The following C5orf58 variants were observed in gnomAD, a reference collection of about 807,000 sequenced individuals.
The protein encoded by C5orf58 is chromosome 5 open reading frame 58.
Under a neutral mutation model 2.9 loss-of-function variants are expected in C5orf58, and 2 were observed. The ratio of observed to expected loss-of-function variants is 0.69; its 90% CI spans 0.28 to 2.18. C5orf58 has a LOEUF of 2.18. Ranked by LOEUF, C5orf58 falls within the 30% of genes most tolerant of loss-of-function variation. The probability of loss-of-function intolerance (pLI) is 0.13; values close to 1 mark genes in which losing one functional copy is unlikely to be tolerated. For synonymous variants in C5orf58, 37 were observed against 33.4 expected, an observed-to-expected ratio of 1.11 and a Z score of -0.37; for missense variants, 96 against 91.7, an observed-to-expected ratio of 1.05 and a Z score of -0.19.
chr5:170,241,316 A>G (rs2113111206), intron 3 of C5orf58, among the ~76,000 whole-genome samples: 1 of 150,668 alleles, frequency 6.6e-6, no homozygotes, highest in Non-Finnish European at 1.5e-5. Context: ...CTGTGAAGAA[A>G]GTCATTGGTA....
At chr5:170,245,148 G>A (rs534197817) in intron 3 of C5orf58, among the ~76,000 whole-genome samples, 38 of 152,268 alleles carry the variant, frequency 2.5e-4, no homozygotes, top group Admixed American at 2.0e-3. Context: ...CTCCAGCTGC[G>A]TGCTGGGAGA....
rs199568267 is a variant in C5orf58 at position 170,242,564 on chromosome 5, G to A, written c.95-3398G>A. 9.9e-3 allele frequency among the ~76,000 whole-genome samples: 1,013 copies of A among 101,970 alleles called. 3 individuals are homozygous for A. Among genetic ancestry groups the A allele is most frequent in the African/African-American group, 0.037 (852 of 23,166 alleles). The allele number at this position is 101,970 out of a possible 152,430, so 66.9% of individuals were successfully genotyped here. A position where few individuals can be genotyped will look rare whatever the true frequency, so the allele number is the denominator to read the frequency against. ...CTTCTAGATTTTCTAGTTTATTTGC[G>A]TAGAGGTGTTTGTAGTATTCTCTGA... On this transcript the variant is annotated intron_variant, in intron 3 of 3. Transcript: ENST00000593851.
chr5:170,251,566 C>G, intron 2 of C5orf58: 2 of 451,556 alleles, frequency 4.4e-6, no homozygotes, highest in Admixed American at 4.7e-5. Flanking sequence ...AAACTACTCC[C>G]TTCTCCTCAT....
At chr5:170,233,971 C>T (rs919595971) in intron 1 of C5orf58, 144 bp from the exon 2 acceptor site, 1 of 398,914 alleles carries the variant, frequency 2.5e-6, no homozygotes, top group East Asian at 7.3e-5. Flanking sequence ...CCACTCCACC[C>T]CTTGTTAAAA....
At chr5:170,250,673 C>T (rs563080876), downstream of C5orf58, 42 of 1,339,840 alleles carry the variant, frequency 3.1e-5, no homozygotes, top group Non-Finnish European at 4.1e-5. Context: ...TCCATGAAGG[C>T]ATGCAGAGTG....
chr5:170,250,739 T>A (rs1761418921), downstream of C5orf58: 1 of 1,613,046 alleles, frequency 6.2e-7, no homozygotes, highest in African/African-American at 1.3e-5. Flanking sequence ...CCTCTTTCCC[T>A]CGGAGTCCAG....
exon 3 of C5orf58, chr5:170,252,127 A>C (rs1761458031): frequency 9.1e-6 from 2 of 220,650 alleles, no homozygotes; most frequent in Non-Finnish European, 1.8e-5. Context: ...TTTGAAAGAG[A>C]GTCTCCTTCT....
chr5:170,234,301 T>A, intron 2 of C5orf58, 103 bp downstream of exon 2: 1 of 627,902 alleles, frequency 1.6e-6, no homozygotes, highest in Non-Finnish European at 2.7e-6. Flanking sequence ...GTTTTTCAAG[T>A]CATTTTGAGA....
chr5:170,250,461 A>C (rs187591789), downstream of C5orf58, among the ~76,000 whole-genome samples: 126 of 152,324 alleles, frequency 8.3e-4, no homozygotes, highest in African/African-American at 2.6e-3. Flanking sequence ...ATCTAAATAG[A>C]TTTTTTTAAG....
Position 170,234,102 on chromosome 5 carries a change from G to A in C5orf58, c.-84-13G>A. ...CAAAGCGCATTTTATTAATGTCTGG[G>A]AAACAAAATTAGTTTTTTTACAGTG... On this transcript the variant is annotated splice_polypyrimidine_tract_variant and intron_variant, in intron 1 of 3. Transcript: ENST00000593851. 7.4e-7 allele frequency: 1 copy of A among 1,359,758 alleles called. No homozygotes were observed. The highest frequency in any genetic ancestry group is 9.9e-7 in the Non-Finnish European group (1 of 1,015,040). 84.2% of individuals were successfully genotyped at this position (1,359,758 alleles called of 1,614,324 possible).
exon 3 of C5orf58, chr5:170,251,656 G>A (rs1308202834): frequency 2.2e-6 from 1 of 456,024 alleles, no homozygotes; most frequent in East Asian, 7.0e-5. Context: ...AGTTAATTGA[G>A]CCTGTCAGAA....
At chr5:170,245,010 C>G (rs548624266) in intron 3 of C5orf58, among the ~76,000 whole-genome samples, 1 of 152,230 alleles carries the variant, frequency 6.6e-6, no homozygotes, top group African/African-American at 2.4e-5. Context: ...ACAGGACCCT[C>G]AGCTGCAGGT....
chr5:170,250,684 G>C (rs749391893), downstream of C5orf58: 3 of 1,491,714 alleles, frequency 2.0e-6, no homozygotes, highest in African/African-American at 1.4e-5. Flanking sequence ...ATGCAGAGTG[G>C]CATAAATAAA....
At chr5:170,244,846 G>A (rs1244929919) in intron 3 of C5orf58, among the ~76,000 whole-genome samples, 1 of 152,160 alleles carries the variant, frequency 6.6e-6, no homozygotes, top group Non-Finnish European at 1.5e-5. Flanking sequence ...TTTGGAGGAG[G>A]AGAGGCGCTC....
chr5:170,234,067 G>C (rs1040866068), intron 1 of C5orf58, 48 bp from the exon 2 acceptor site: 24 of 1,152,614 alleles, frequency 2.1e-5, no homozygotes, highest in African/African-American at 4.7e-5. Flanking sequence ...TGGGGTCTTG[G>C]GGGTAGATGC....
intron 3 of C5orf58, among the ~76,000 whole-genome samples, chr5:170,245,281 T>G (rs1761214432): frequency 6.6e-6 from 1 of 152,242 alleles, no homozygotes; most frequent in African/African-American, 2.4e-5. Context: ...CAGGCCTCTT[T>G]GAGCTGTGGT....
chr5:170,236,860 C>A (rs528766859), intron 3 of C5orf58, among the ~76,000 whole-genome samples: 1 of 152,296 alleles, frequency 6.6e-6, no homozygotes, highest in South Asian at 2.1e-4. Flanking sequence ...TTTGCTATCA[C>A]CTGTTATACT....
At chr5:170,233,842 C>T (rs888286321) in intron 1 of C5orf58, 1 of 336,912 alleles carries the variant, frequency 3.0e-6, no homozygotes, top group Non-Finnish European at 5.7e-6. Flanking sequence ...GCTGGGTGCT[C>T]GAGGGCCTAG....
At chr5:170,234,833 G>A in intron 2 of C5orf58, 144 bp from the exon 3 acceptor site, 5 of 488,294 alleles carry the variant, frequency 1.0e-5, no homozygotes, top group Non-Finnish European at 1.8e-5. Context: ...GCCTTTTGAT[G>A]TTAGAATTCT....
Sources: allele counts gnomAD v4.1 joint callset (sites outside exome capture counted in the v4.1 genomes callset), GRCh38; gene constraint gnomAD v4.1.1; transcripts MANE v1.5; gene names NCBI Gene and HGNC (gene_info 2026-07-23, HGNC 2026-07-21).